Variants in ZP2 observed in about 807,000 individuals in gnomAD.
The protein encoded by ZP2 is zona pellucida glycoprotein 2, also known as zona pellucida sperm-binding protein 2.
In ZP2, 51 loss-of-function variants were observed where a neutral mutation model predicts 84.0. That is an observed-to-expected ratio of 0.61 (90% CI 0.49 to 0.77). The LOEUF is 0.77. Among genes scored for constraint, ZP2 ranks in the 30% least tolerant of loss-of-function variants. ZP2 has a pLI of 0.00. For missense variants in ZP2, 909 were observed against 911.9 expected (o/e 1.00, Z 0.04); for synonymous variants, 375 against 330.9 (o/e 1.13, Z -1.45).
In ZP2 at chr16:21,211,542, C is replaced by A; in HGVS notation, c.6G>T (p.Ala2=). The A allele has an allele frequency of 6.2e-7, 1 of 1,614,170 alleles. No individual in the cohort carries two copies. The highest frequency in any genetic ancestry group is 8.5e-7 in the Non-Finnish European group (1 of 1,180,028). Residue 2 remains alanine (A), a synonymous_variant, in exon 1 of 19, where the codon GCG becomes GCT. Coordinates refer to ENST00000574091, the MANE Select transcript of ZP2 (RefSeq NM_001376232.1). ...TCCAAGAGCCTCCTCTCTGCCTGCA[C>A]GCCATAGCAGAAGACACTACCAGAT... is the stretch of plus-strand genomic sequence containing the variant. M[A]CRQRGGSWSP...
At position 21,205,488 on chromosome 16, in the gene ZP2, G is replaced by C. The variant is rs1225548341; in HGVS notation, c.625C>G (p.Leu209Val). Residue 209 changes from leucine (L) to valine (V), a missense_variant, in exon 7 of 19, where the codon CTC (leucine) becomes GTC (valine). Coordinates refer to ENST00000574091, the MANE Select transcript of ZP2 (RefSeq NM_001376232.1). ...LPEAMKEGFS[L>V]LIDNHRMTFH... ...GTCATCCTGTGGTTGTCAATCAAGA[G>C]GCTGAAGCCTTCCTTCATGGCCTCT... 1 of 1,614,024 alleles carries C rather than the reference G, an allele frequency of 6.2e-7. No individual in the cohort carries two copies. The highest frequency in any genetic ancestry group is 1.1e-5 in the South Asian group (1 of 91,068).
Position 21,199,590 on chromosome 16 carries a change from A to C in ZP2, c.1907T>G (p.Val636Gly). 5.0e-6 allele frequency: 8 copies of C among 1,611,394 alleles called. No homozygotes were observed. Among genetic ancestry groups the C allele is most frequent in the Non-Finnish European group, 6.8e-6 (8 of 1,179,042 alleles). ...DSPLCSVTCPVSSRHRRATGA... is the reference protein window; with the variant it reads ...DSPLCSVTCPGSSRHRRATGA... ...TTTACCTCGCCTGTGCCTAGAGGACACAGGGCAGGTCACAGAACACAGTGG... is the reference window on the plus strand; with the variant it reads ...TTTACCTCGCCTGTGCCTAGAGGACCCAGGGCAGGTCACAGAACACAGTGG... Residue 636 changes from valine (V) to glycine (G), a missense_variant, in exon 16 of 19, where the codon GTG (valine) becomes GGG (glycine). Physicochemically the swap from Val to Gly is moderately radical, Grantham distance 109. Coordinates refer to ENST00000574091, the MANE Select transcript of ZP2 (RefSeq NM_001376232.1).
In ZP2 at chr16:21,197,843, C is replaced by G; in HGVS notation, c.2018G>C (p.Gly673Ala). ...CCCACTTGCTTTTAGATCAGATGAG[C>G]CGACACCTGGGAAGAACCTGAGAGT... is the stretch of plus-strand genomic sequence containing the variant. ...LSDDSSFRGVGSSDLKASGSS... is the reference protein window; with the variant it reads ...LSDDSSFRGVASSDLKASGSS... The change falls in exon 18 of 19, where the codon GGC (glycine) becomes GCC (alanine). Residue 673 changes from glycine (G) to alanine (A), a missense_variant. Coordinates refer to ENST00000574091, the MANE Select transcript of ZP2 (RefSeq NM_001376232.1). 6.2e-7 allele frequency: 1 copy of G among 1,614,104 alleles called. No homozygotes were observed. The highest frequency in any genetic ancestry group is 8.5e-7 in the Non-Finnish European group (1 of 1,179,988).
At chr16:21,212,817 G>A (rs529566951), upstream of ZP2, among the ~76,000 whole-genome samples, 1 of 152,194 alleles carries the variant, frequency 6.6e-6, no homozygotes, top group African/African-American at 2.4e-5. Flanking sequence ...ACTGAGGCAA[G>A]GCAACTTGCC....
At chr16:21,210,615 C>T (rs2093270320) in intron 2 of ZP2, among the ~76,000 whole-genome samples, 1 of 152,116 alleles carries the variant, frequency 6.6e-6, no homozygotes, top group Non-Finnish European at 1.5e-5. Flanking sequence ...CTCTCTGTCA[C>T]CCAGGCTGGA....
In ZP2 at chr16:21,205,442, G is replaced by A; in HGVS notation, c.671C>T (p.Ala224Val). Reference protein sequence around the residue: ...HRMTFHVPFNATGVTHYVQGN... With the variant: ...HRMTFHVPFNVTGVTHYVQGN... Reference sequence around the variant, plus strand: ...TACCACATAGTGAGTCACTCCAGTGGCATTGAATGGCACATGGAAGGTCAT... The same window carrying A: ...TACCACATAGTGAGTCACTCCAGTGACATTGAATGGCACATGGAAGGTCAT... Residue 224 changes from alanine to valine, a missense_variant, in exon 7 of 19, where the codon GCC becomes GTC. By Grantham distance (64) the Ala-to-Val change is moderately conservative. Transcript: ENST00000574091. 2 of 1,614,100 alleles carry A rather than the reference G, an allele frequency of 1.2e-6. No homozygotes were observed. Among genetic ancestry groups the A allele is most frequent in the African/African-American group, 1.3e-5 (1 of 75,058 alleles).
rs16971234 is a variant in ZP2 at position 21,205,740 on chromosome 16, G to A, written c.519C>T (p.Asp173=). 241,009 of 1,613,354 alleles carry A rather than the reference G, an allele frequency of 0.15. 23,145 individuals carry two copies. Among genetic ancestry groups the A allele is most frequent in the East Asian group, 0.41 (18,206 of 44,818 alleles). Residue 173 remains aspartate (D), a synonymous_variant, in exon 6 of 19, where the codon GAC becomes GAT. Transcript: ENST00000574091. ...AAAATTTGCTTCATACCTTACTGTC[G>A]TCAGCCAAGCCAGAGAAGACCCGTG... ...SLPRVFSGLA[D]DSKGTKVQMG...
At chr16:21,203,980 T>C (rs765888007) in intron 9 of ZP2, 50 bp downstream of exon 9, 1 of 1,599,044 alleles carries the variant, frequency 6.3e-7, no homozygotes. Flanking sequence ...CACAAGAGTA[T>C]ACTTCAAGTC....
Position 21,206,988 on chromosome 16 carries a change from A to T in ZP2, c.333T>A (p.His111Gln), listed in dbSNP as rs1260721117. ...ATYDNCTRRV[H>Q]GGHQMTIRVM... ...CTCTGATGGTCATCTGGTGTCCACC[A>T]TGCTGTGTACAGATAGCACAGTGGG... Residue 111 changes from histidine to glutamine, a missense_variant and splice_region_variant, in exon 5 of 19, where the codon CAT (histidine) becomes CAA (glutamine). Physicochemically the swap from His to Gln is conservative, Grantham distance 24. Transcript: ENST00000574091. 1 of 1,614,134 alleles carries T rather than the reference A, an allele frequency of 6.2e-7. No homozygotes were observed. The highest frequency in any genetic ancestry group is 8.5e-7 in the Non-Finnish European group (1 of 1,180,006).
intron 5 of ZP2, among the ~76,000 whole-genome samples, chr16:21,206,379 T>C (rs2093249724): frequency 1.3e-5 from 2 of 152,216 alleles, no homozygotes; most frequent in South Asian, 4.1e-4. Flanking sequence ...GTTCTATCAT[T>C]GTTATTGAGT....
At chr16:21,198,482 A>C (rs1313565833) in intron 17 of ZP2, among the ~76,000 whole-genome samples, 4 of 152,174 alleles carry the variant, frequency 2.6e-5, no homozygotes, top group African/African-American at 7.2e-5. Flanking sequence ...GATCATGACT[A>C]AGGTAGAGCC....
chr16:21,197,653 G>A, intron 18 of ZP2, 31 bp from the exon 19 acceptor site: 1 of 1,613,772 alleles, frequency 6.2e-7, no homozygotes, highest in Non-Finnish European at 8.5e-7. Context: ...TGAGTCTTAA[G>A]TATTTTTAAA....
chr16:21,210,868 C>G (rs1439535725), intron 2 of ZP2, among the ~76,000 whole-genome samples: 1 of 149,448 alleles, frequency 6.7e-6, no homozygotes, highest in South Asian at 2.1e-4. Context: ...AGCCCCGGCG[C>G]CTGGCTGCAT....
chr16:21,206,725 G>A (rs575584516), intron 5 of ZP2, 113 bp downstream of exon 5: 3 of 1,370,418 alleles, frequency 2.2e-6, no homozygotes, highest in Admixed American at 1.9e-5. Context: ...CAGAAAATTA[G>A]CAAGTACAGG....
rs1357276276 is a variant in ZP2 at position 21,204,370 on chromosome 16, T to C, written c.728A>G (p.Lys243Arg). The C allele has an allele frequency of 6.2e-6, 10 of 1,614,046 alleles. No homozygotes were observed. Among genetic ancestry groups the C allele is most frequent in the Non-Finnish European group, 8.5e-6 (10 of 1,179,946 alleles). Residue 243 changes from lysine (K) to arginine (R), a missense_variant, in exon 8 of 19, where the codon AAG (lysine) becomes AGG (arginine). Physicochemically the swap from Lys to Arg is conservative, Grantham distance 26 (BLOSUM62 2). Coordinates refer to ENST00000574091, the MANE Select transcript of ZP2 (RefSeq NM_001376232.1). Reference sequence around the variant, plus strand: ...CTGTCCAGGAGATATAAATGTAAGCTTCAGAGACACCATGTAGAGATGACT... The same window carrying C: ...CTGTCCAGGAGATATAAATGTAAGCCTCAGAGACACCATGTAGAGATGACT... ...GNSHLYMVSLKLTFISPGQKV... is the reference protein window; with the variant it reads ...GNSHLYMVSLRLTFISPGQKV...
chr16:21,213,152 C>T (rs577798888), upstream of ZP2, among the ~76,000 whole-genome samples: 24 of 152,296 alleles, frequency 1.6e-4, no homozygotes, highest in African/African-American at 5.8e-4. Context: ...TCAAGCGATT[C>T]TCCTGCCTCA....
rs758272528 is a variant in ZP2, at chr16:21,203,170, T to C, written c.1054A>G (p.Met352Val). The C allele has an allele frequency of 3.1e-6, 5 of 1,613,870 alleles. No homozygotes were observed. The highest frequency in any genetic ancestry group is 3.4e-6 in the Non-Finnish European group (4 of 1,179,928). Residue 352 changes from methionine (M) to valine (V), a missense_variant, in exon 10 of 19, where the codon ATG (methionine) becomes GTG (valine). By Grantham distance (21) the Met-to-Val change is conservative. Transcript: ENST00000574091. ...TFLLRPETVS[M>V]VIYPECLCES... ...CAGAGACACTCAGGATAGATCACCA[T>C]GGATACTGTCTCTGGCCGAAGGAGA...
upstream of ZP2, among the ~76,000 whole-genome samples, chr16:21,213,578 G>A (rs920363542): frequency 1.3e-5 from 2 of 152,108 alleles, no homozygotes; most frequent in Admixed American, 6.5e-5. Context: ...GATGTGCCTG[G>A]GAAATATTTA....
rs755985414 is a variant in ZP2, at chr16:21,197,470, A to G, written c.*10T>C. 5 of 1,613,884 alleles carry G rather than the reference A, an allele frequency of 3.1e-6. No homozygotes were observed. On this transcript the variant is annotated 3_prime_UTR_variant, in exon 19 of 19. Transcript: ENST00000574091. Reference sequence around the variant, plus strand: ...GAGGCTTATTTTGACTGCTTTATTTAGAAGCCCATTTAGTGATTTGACACA... The same window carrying G: ...GAGGCTTATTTTGACTGCTTTATTTGGAAGCCCATTTAGTGATTTGACACA...
Sources: gnomAD v4.1 joint callset for allele counts (sites outside exome capture counted in the v4.1 genomes callset) on GRCh38, gnomAD v4.1.1 for gene constraint, MANE v1.5 for transcripts, NCBI Gene and HGNC (gene_info 2026-07-23, HGNC 2026-07-21) for gene names.